The following PTPRT variants were observed in gnomAD, a reference collection of about 807,000 sequenced individuals.
PTPRT encodes the protein receptor-type tyrosine-protein phosphatase T.
In PTPRT, 56 loss-of-function variants were observed where a neutral mutation model predicts 176.8. That is an observed-to-expected ratio of 0.32 (90% CI 0.26 to 0.40). PTPRT has a LOEUF of 0.40. Ranked by LOEUF, PTPRT falls within the 10% of genes least tolerant of loss-of-function variation. The pLI is 1.00. For synonymous variants in PTPRT, 783 were observed against 739.0 expected (o/e 1.06, Z -0.96); for missense variants, 1,540 against 1,908.2 (o/e 0.81, Z 3.60).
chr20:42,222,827 A>T (rs1419963250), intron 15 of PTPRT, among the ~76,000 whole-genome samples: 2 of 152,176 alleles, frequency 1.3e-5, no homozygotes, highest in South Asian at 2.1e-4. Context: ...AAATTAGTTG[A>T]ACCCAAAGAA....
At chr20:42,899,118 A>G (rs577532432) in intron 1 of PTPRT, among the ~76,000 whole-genome samples, 92 of 152,038 alleles carry the variant, frequency 6.1e-4, no homozygotes, top group Non-Finnish European at 9.3e-4. Flanking sequence ...CAAGGCTACA[A>G]AGAAAGGGGG....
chr20:42,766,755 T>C (rs2076988392), intron 5 of PTPRT, among the ~76,000 whole-genome samples: 1 of 152,226 alleles, frequency 6.6e-6, no homozygotes, highest in Non-Finnish European at 1.5e-5. Context: ...CCGACATACC[T>C]GCTATGCTGG....
intron 10 of PTPRT, among the ~76,000 whole-genome samples, chr20:42,351,705 CA>C (rs2058287096): frequency 6.6e-6 from 1 of 152,098 alleles, no homozygotes; most frequent in Non-Finnish European, 1.5e-5. Flanking sequence ...TTCATTCATT[CA>C]TTCATTCATT....
intron 11 of PTPRT, among the ~76,000 whole-genome samples, chr20:42,335,218 A>G (rs1200030142): frequency 2.6e-5 from 4 of 152,166 alleles, no homozygotes; most frequent in African/African-American, 9.7e-5. Context: ...AAGTCTGTAC[A>G]CAAAACCATC....
intron 1 of PTPRT, among the ~76,000 whole-genome samples, chr20:43,018,239 A>C (rs1985468639): frequency 6.6e-6 from 1 of 152,236 alleles, no homozygotes; most frequent in African/African-American, 2.4e-5. Flanking sequence ...CAGAGGAATA[A>C]GAAATAAAGG....
intron 1 of PTPRT, among the ~76,000 whole-genome samples, chr20:43,110,819 C>T (rs2012825980): frequency 6.6e-6 from 1 of 152,030 alleles, no homozygotes; most frequent in South Asian, 2.1e-4. Context: ...TGGAGAAAGT[C>T]AAGAGACACC....
intron 13 of PTPRT, among the ~76,000 whole-genome samples, chr20:42,261,821 C>A (rs1249429374): frequency 6.6e-6 from 1 of 152,144 alleles, no homozygotes; most frequent in Non-Finnish European, 1.5e-5. Context: ...GACTGTATTA[C>A]CTGACTTAGA....
At chr20:42,315,687 C>CAAGGCAAG in intron 12 of PTPRT, 36 bp downstream of exon 12, 1 of 1,596,120 alleles carries the variant, frequency 6.3e-7, no homozygotes, top group Non-Finnish European at 8.6e-7. Flanking sequence ...AAAATGCAAA[C>CAAGGCAAG]AAGGCAAGGA....
intron 6 of PTPRT, among the ~76,000 whole-genome samples, chr20:42,701,153 C>T (rs1247855622): frequency 2.0e-5 from 3 of 152,074 alleles, no homozygotes; most frequent in Non-Finnish European, 2.9e-5. Context: ...AGTGGCCATC[C>T]GTAAGTTATA....
chr20:42,789,136 TTTAAATTGAGAC>T (rs1160210018), intron 3 of PTPRT, among the ~76,000 whole-genome samples: 15 of 152,306 alleles, frequency 9.8e-5, no homozygotes, highest in African/African-American at 3.6e-4. Context: ...AAATAAAACA[TTTAAATTGAGAC>T]TTACTGTAAG....
intron 1 of PTPRT, among the ~76,000 whole-genome samples, chr20:43,157,005 C>T (rs79239927): frequency 0.035 from 5,278 of 152,188 alleles, 139 homozygotes; most frequent in Non-Finnish European, 0.054. Context: ...CACCTACTTG[C>T]TGAATCCCTA....
At chr20:42,872,738 T>C (rs1243088958) in intron 2 of PTPRT, among the ~76,000 whole-genome samples, 1 of 152,170 alleles carries the variant, frequency 6.6e-6, no homozygotes. Context: ...GGAGGGATGA[T>C]GTGTGGCCCA....
chr20:42,178,718 A>C (rs1990396344), intron 16 of PTPRT, among the ~76,000 whole-genome samples: 1 of 152,192 alleles, frequency 6.6e-6, no homozygotes, highest in Non-Finnish European at 1.5e-5. Context: ...ATCTCATCTG[A>C]AGACTCAGCT....
At chr20:42,301,466 T>A (rs1421330851) in intron 12 of PTPRT, among the ~76,000 whole-genome samples, 9 of 152,208 alleles carry the variant, frequency 5.9e-5, no homozygotes. Flanking sequence ...ACCAGGTTTT[T>A]TTTTGTTATT....
chr20:42,894,389 G>A (rs896190205), intron 1 of PTPRT, among the ~76,000 whole-genome samples: 2 of 152,112 alleles, frequency 1.3e-5, no homozygotes, highest in Non-Finnish European at 2.9e-5. Flanking sequence ...AGATAGTCAA[G>A]ATAACCATGT....
intron 6 of PTPRT, among the ~76,000 whole-genome samples, chr20:42,686,576 C>T (rs756133412): frequency 4.9e-5 from 7 of 144,126 alleles, no homozygotes; most frequent in African/African-American, 7.7e-5. Flanking sequence ...CTCCGCCTCC[C>T]GGGTTCAAGT....
At chr20:42,920,578 T>C (rs1600557927) in intron 1 of PTPRT, among the ~76,000 whole-genome samples, 2 of 152,032 alleles carry the variant, frequency 1.3e-5, no homozygotes, top group African/African-American at 2.4e-5. Flanking sequence ...CTTTTTTTTT[T>C]CCAAGAGGAG....
intron 16 of PTPRT, among the ~76,000 whole-genome samples, chr20:42,166,993 G>A (rs963270906): frequency 2.6e-5 from 4 of 152,082 alleles, no homozygotes; most frequent in African/African-American, 7.2e-5. Flanking sequence ...GAAATGTTGA[G>A]TCTGGGTCCC....
intron 25 of PTPRT, 98 bp from the exon 26 acceptor site, chr20:42,102,395 C>T: frequency 7.5e-7 from 1 of 1,328,556 alleles, no homozygotes; most frequent in South Asian, 1.4e-5. Context: ...TCGCCTATTT[C>T]CACCCTCTAA....
Sources: gnomAD v4.1 joint callset for allele counts (sites outside exome capture counted in the v4.1 genomes callset) on GRCh38, gnomAD v4.1.1 for gene constraint, MANE v1.5 for transcripts, NCBI Gene and HGNC (gene_info 2026-07-23, HGNC 2026-07-21) for gene names.